Variants in CORO7 observed in about 807,000 individuals in gnomAD.
The protein encoded by CORO7 is coronin 7, also known as coronin-7.
CORO7 carries 107 observed loss-of-function variants against 126.6 expected under a neutral mutation model. The ratio of observed to expected loss-of-function variants is 0.85; its 90% CI spans 0.72 to 0.99. The LOEUF is 0.99. Among genes scored for constraint, CORO7 ranks in the 50% least tolerant of loss-of-function variants. CORO7 has a pLI of 0.00. For synonymous variants in CORO7, 603 were observed against 536.8 expected, an observed-to-expected ratio of 1.12 and a Z score of -1.70; for missense variants, 1,314 against 1,255.8, an observed-to-expected ratio of 1.05 and a Z score of -0.70.
At chr16:4,405,625 G>A (rs112269809) in intron 5 of CORO7, 58 bp from the exon 6 acceptor site, 1 of 1,584,648 alleles carries the variant, frequency 6.3e-7, no homozygotes, top group Non-Finnish European at 8.6e-7. Context: ...GGAAGTGGGT[G>A]GGGGCGGGCC....
chr16:4,356,884 G>A (rs2053993550), intron 26 of CORO7: 3 of 492,596 alleles, frequency 6.1e-6, no homozygotes, highest in East Asian at 7.8e-5. Flanking sequence ...GGCCTCAAGT[G>A]CTCAAAATAT....
chr16:4,371,427 C>T (rs1051069906), intron 9 of CORO7, among the ~76,000 whole-genome samples: 73 of 152,220 alleles, frequency 4.8e-4, no homozygotes, highest in African/African-American at 1.7e-3. Flanking sequence ...TTCAAAAATC[C>T]AAAGCTCTAG....
chr16:4,383,133 G>C (rs1596309524), intron 9 of CORO7: 1 of 520,254 alleles, frequency 1.9e-6, no homozygotes, highest in East Asian at 3.3e-5. Context: ...TATGAGGACA[G>C]TGTCCGCCCT....
chr16:4,400,519 G>A (rs60600132), intron 6 of CORO7, among the ~76,000 whole-genome samples: 13,905 of 152,026 alleles, frequency 0.091, 1,019 homozygotes, highest in African/African-American at 0.2. Context: ...TGTAATCCCA[G>A]CTACTCGGGA....
chr16:4,405,649 C>A, intron 5 of CORO7, 82 bp from the exon 6 acceptor site: 2 of 1,521,318 alleles, frequency 1.3e-6, no homozygotes, highest in Non-Finnish European at 8.9e-7. Flanking sequence ...CTGGGGGGAA[C>A]TCCCAGAGCA....
chr16:4,366,386 G>A (rs1399958899), intron 9 of CORO7, among the ~76,000 whole-genome samples: 1 of 152,128 alleles, frequency 6.6e-6, no homozygotes, highest in Non-Finnish European at 1.5e-5. Flanking sequence ...CCCTCCCGGG[G>A]CCCCTCAGAG....
chr16:4,374,197 G>A (rs1309339003), intron 9 of CORO7, among the ~76,000 whole-genome samples: 2 of 151,712 alleles, frequency 1.3e-5, no homozygotes, highest in African/African-American at 2.4e-5. Context: ...GGGGGTGGGT[G>A]GGGGTGTTTG....
chr16:4,362,900 C>T lies in CORO7; in HGVS notation c.1276-162G>A. 1.2e-6 allele frequency: 1 copy of T among 814,630 alleles called. No individual in the cohort carries two copies. Among genetic ancestry groups the T allele is most frequent in the Non-Finnish European group, 1.7e-6 (1 of 604,206 alleles). 50.5% of individuals were successfully genotyped at this position (814,630 alleles called of 1,614,324 possible). A position where few individuals can be genotyped will look rare whatever the true frequency, so the allele number is the denominator to read the frequency against. On this transcript the variant is annotated intron_variant, in intron 14 of 27. Coordinates refer to ENST00000251166, the MANE Select transcript of CORO7 (RefSeq NM_024535.5). This position sits in a 1 kb window ranked among gnomAD's most constrained non-coding sequence, Gnocchi z 5.3. ...GCGGCGGGGGGCACGGGCATAAACG[C>T]AGACACACAGGGAAGCAGCCGAGCT...
intron 6 of CORO7, among the ~76,000 whole-genome samples, chr16:4,405,224 G>C (rs2055952641): frequency 6.6e-6 from 1 of 152,238 alleles, no homozygotes; most frequent in African/African-American, 2.4e-5. Flanking sequence ...GCGGCCAGAG[G>C]AGGCTGCCTG....
intron 9 of CORO7, 56 bp from the exon 10 acceptor site, chr16:4,365,601 G>A (rs2054324686): frequency 9.7e-6 from 15 of 1,549,168 alleles, no homozygotes; most frequent in Middle Eastern, 1.8e-4. Flanking sequence ...TGCCAGACTC[G>A]TAACCCCATG....
intron 6 of CORO7, among the ~76,000 whole-genome samples, chr16:4,401,849 C>A (rs980094370): frequency 6.6e-6 from 1 of 152,062 alleles, no homozygotes; most frequent in African/African-American, 2.4e-5. Context: ...CAGATGCCAA[C>A]ACCACCACTG....
chr16:4,392,664 G>C (rs1408643175), intron 7 of CORO7, among the ~76,000 whole-genome samples: 1 of 152,234 alleles, frequency 6.6e-6, no homozygotes, highest in Non-Finnish European at 1.5e-5. Flanking sequence ...GCAGGAAGGA[G>C]GATTGCCAGA....
chr16:4,396,536 G>T (rs2055599321), intron 6 of CORO7, among the ~76,000 whole-genome samples: 1 of 152,166 alleles, frequency 6.6e-6, no homozygotes, highest in Non-Finnish European at 1.5e-5. Context: ...TTACAAGTTT[G>T]CTGAGCAAGG....
intron 6 of CORO7, among the ~76,000 whole-genome samples, chr16:4,396,776 G>A (rs772742321): frequency 9.9e-5 from 15 of 152,172 alleles, no homozygotes; most frequent in African/African-American, 1.4e-4. Flanking sequence ...AGCACTTTGC[G>A]AGGCTGAGGT....
chr16:4,409,942 T>G (rs1156649301), intron 3 of CORO7, among the ~76,000 whole-genome samples: 1 of 152,148 alleles, frequency 6.6e-6, no homozygotes, highest in Non-Finnish European at 1.5e-5. Flanking sequence ...CACCTTCCCA[T>G]GAGCAGTTTC....
At chr16:4,369,108 G>A (rs925277208) in intron 9 of CORO7, among the ~76,000 whole-genome samples, 6 of 152,264 alleles carry the variant, frequency 3.9e-5, no homozygotes, top group Non-Finnish European at 5.9e-5. Context: ...TGACTCAGGA[G>A]CTGAGGCCGA....
At chr16:4,371,817 C>T (rs1567261774) in intron 9 of CORO7, 1 of 152,192 alleles carries the variant, frequency 6.6e-6, no homozygotes, top group South Asian at 2.1e-4. Flanking sequence ...CCCCCCGGGA[C>T]TCTTAAGGCG....
intron 9 of CORO7, among the ~76,000 whole-genome samples, chr16:4,385,122 G>A (rs1168977636): frequency 1.3e-5 from 2 of 152,176 alleles, no homozygotes; most frequent in African/African-American, 4.8e-5. Context: ...CAAGCCCCCC[G>A]ACTCTAGGCC....
chr16:4,388,468 T>C lies in CORO7; in HGVS notation c.702+77A>G, dbSNP rs993761626. 2.7e-6 allele frequency: 4 copies of C among 1,499,994 alleles called. No individual in the cohort carries two copies. The African/African-American group carries it at 4.1e-5, about 15-fold the overall frequency. The allele number at this position is 1,499,994 out of a possible 1,614,324, so 92.9% of individuals were successfully genotyped here. On this transcript the variant is annotated intron_variant, in intron 8 of 27. Transcript: ENST00000251166. Reference sequence around the variant, plus strand: ...CTGGCCCTCAGTCCCCCGCCTCCCATTGGTTTCGTCCCCGCCCAAAGGGCT... The same window carrying C: ...CTGGCCCTCAGTCCCCCGCCTCCCACTGGTTTCGTCCCCGCCCAAAGGGCT...
Sources: allele counts gnomAD v4.1 joint callset (sites outside exome capture counted in the v4.1 genomes callset), GRCh38; gene constraint gnomAD v4.1.1; non-coding constraint Gnocchi (gnomAD v3.1); transcripts MANE v1.5; gene names NCBI Gene and HGNC (gene_info 2026-07-23, HGNC 2026-07-21).